The following PDZD2 variants were observed in gnomAD, a reference collection of about 807,000 sequenced individuals.
PDZD2 encodes PDZ domain-containing protein 2.
PDZD2 carries 90 observed loss-of-function variants against 220.7 expected under a neutral mutation model. That is an observed-to-expected ratio of 0.41 (90% CI 0.34 to 0.49). PDZD2 has a LOEUF of 0.49. Among genes scored for constraint, PDZD2 ranks in the 20% least tolerant of loss-of-function variants. The probability of loss-of-function intolerance (pLI) is 0.28; values close to 1 mark genes in which losing one functional copy is unlikely to be tolerated. For synonymous variants in PDZD2, 1,375 were observed against 1,450.5 expected, an observed-to-expected ratio of 0.95 and a Z score of 1.18; for missense variants, 3,174 against 3,608.5, an observed-to-expected ratio of 0.88 and a Z score of 3.08.
intron 1 of PDZD2, among the ~76,000 whole-genome samples, chr5:31,642,450 AG>A (rs1744984106): frequency 6.6e-6 from 1 of 152,200 alleles, no homozygotes; most frequent in African/African-American, 2.4e-5. Context: ...AGTGTCTGCA[AG>A]GGGTGTTCAT....
chr5:31,886,766 C>T (rs1434721978), intron 2 of PDZD2, among the ~76,000 whole-genome samples: 3 of 151,448 alleles, frequency 2.0e-5, no homozygotes, highest in African/African-American at 7.3e-5. Context: ...GGTGCGATCT[C>T]GGCTCACTGC....
intron 2 of PDZD2, among the ~76,000 whole-genome samples, chr5:31,864,067 G>T (rs896055464): frequency 6.6e-6 from 1 of 152,080 alleles, no homozygotes; most frequent in African/African-American, 2.4e-5. Context: ...TTCTGTTTCT[G>T]GTTGGGTTCA....
chr5:32,074,899 C>T (rs977632853), intron 18 of PDZD2, among the ~76,000 whole-genome samples: 6 of 152,032 alleles, frequency 3.9e-5, no homozygotes, highest in African/African-American at 1.2e-4. Context: ...CAACCTCCGC[C>T]TCCCAGGTTC....
chr5:31,743,327 A>G (rs78344095), intron 1 of PDZD2, among the ~76,000 whole-genome samples: 1,997 of 152,102 alleles, frequency 0.013, 43 homozygotes, highest in African/African-American at 0.045. Context: ...GGCATGCGCC[A>G]CCATGCCCGG....
rs1256835345 is a variant in PDZD2, at chr5:32,103,113, G to GA, written c.8353+1880dup. 1.1e-4 allele frequency among the ~76,000 whole-genome samples: 16 copies of GA among 152,032 alleles called. No homozygotes were observed. The East Asian group carries it at 2.1e-3, about 20-fold the overall frequency. On this transcript the variant is annotated intron_variant, in intron 24 of 24. Coordinates refer to ENST00000438447, the MANE Select transcript of PDZD2 (RefSeq NM_178140.4). ...AAAGGTAATGAAAGAGTTCCAGAAG[G>GA]AAAAAACAGAATGAGAGGAAATATT... is the stretch of plus-strand genomic sequence containing the variant.
chr5:31,796,739 A>G lies in PDZD2; in HGVS notation c.-360-2150A>G, dbSNP rs531633205. 3.9e-5 allele frequency among the ~76,000 whole-genome samples: 6 copies of G among 152,304 alleles called. No homozygotes were observed. In the South Asian group the frequency reaches 1.0e-3, roughly 26 times the overall value. On this transcript the variant is annotated intron_variant, in intron 1 of 24. Transcript: ENST00000438447. ...GCAAGGAATTTGCCTTATTGCTGGTATACAACCAGTGCCAAGTTCAAGGAC... is the reference window on the plus strand; with the variant it reads ...GCAAGGAATTTGCCTTATTGCTGGTGTACAACCAGTGCCAAGTTCAAGGAC...
Position 31,821,774 on chromosome 5 carries a change from G to A in PDZD2, c.476+22050G>A, listed in dbSNP as rs555553099. Among the ~76,000 whole-genome samples the A allele has an allele frequency of 7.9e-5, 12 of 152,044 alleles. No individual in the cohort carries two copies. The South Asian group carries it at 2.3e-3, about 29-fold the overall frequency. ...TACATGTGTCATTGTGGTTTGCTGC[G>A]CCCATCAAGCCGTCATCTAGGTTTT... On this transcript the variant is annotated intron_variant, in intron 2 of 24. Coordinates refer to ENST00000438447, the MANE Select transcript of PDZD2 (RefSeq NM_178140.4).
intron 2 of PDZD2, among the ~76,000 whole-genome samples, chr5:31,815,106 G>C (rs1303844281): frequency 1.3e-5 from 2 of 151,870 alleles, no homozygotes; most frequent in Admixed American, 6.6e-5. Flanking sequence ...TGAACTGGAT[G>C]TGGTGGCAGG....
In PDZD2 at chr5:31,850,243, T is replaced by TACAC. The variant is rs1554082942; in HGVS notation, c.476+50535_476+50538dup. Among the ~76,000 whole-genome samples the TACAC allele has an allele frequency of 1.5e-3, 183 of 122,202 alleles. 1 individual carries two copies. The highest frequency in any genetic ancestry group is 7.7e-3 in the East Asian group (35 of 4,558). 80.2% of individuals were successfully genotyped at this position (122,202 alleles called of 152,430 possible). ...ATATATAAGTATATATATATATATA[T>TACAC]ACACACACACACACACACATATATA... is the stretch of plus-strand genomic sequence containing the variant. On this transcript the variant is annotated intron_variant, in intron 2 of 24. Coordinates refer to ENST00000438447, the MANE Select transcript of PDZD2 (RefSeq NM_178140.4).
intron 1 of PDZD2, among the ~76,000 whole-genome samples, chr5:31,757,821 G>A (rs945636822): frequency 1.1e-4 from 16 of 152,176 alleles, no homozygotes; most frequent in South Asian, 2.1e-4. Context: ...CACCTGTGAG[G>A]TCAACACCAA....
At chr5:31,849,927 T>C (rs1159535886) in intron 2 of PDZD2, among the ~76,000 whole-genome samples, 4 of 23,796 alleles carry the variant, frequency 1.7e-4, no homozygotes, top group Admixed American at 5.0e-4. Context: ...TACATATATA[T>C]ATATACACAT....
intron 2 of PDZD2, among the ~76,000 whole-genome samples, chr5:31,884,547 G>C (rs990819628): frequency 1.3e-5 from 2 of 152,120 alleles, no homozygotes; most frequent in African/African-American, 4.8e-5. Flanking sequence ...CTGCACTCCA[G>C]AAAGGATTCT....
chr5:31,822,710 C>G, intron 2 of PDZD2: 4 of 1,281,454 alleles, frequency 3.1e-6, no homozygotes, highest in Non-Finnish European at 3.3e-6. Context: ...AGGATTAATT[C>G]ATCTTTCTGA....
At chr5:31,788,440 C>G (rs561635075) in intron 1 of PDZD2, among the ~76,000 whole-genome samples, 1 of 151,924 alleles carries the variant, frequency 6.6e-6, no homozygotes, top group African/African-American at 2.4e-5. Flanking sequence ...CCAAGGCGGG[C>G]GGATCACGAG....
chr5:32,080,116 A>G (rs1321673436), intron 19 of PDZD2, among the ~76,000 whole-genome samples: 1 of 152,200 alleles, frequency 6.6e-6, no homozygotes, highest in African/African-American at 2.4e-5. Context: ...TGGGAGGCCA[A>G]GACGGACGGA....
intron 2 of PDZD2, among the ~76,000 whole-genome samples, chr5:31,912,528 G>C (rs1743298626): frequency 6.6e-6 from 1 of 152,184 alleles, no homozygotes. Context: ...TCATTCTCTA[G>C]TGCTTTGGTG....
intron 2 of PDZD2, among the ~76,000 whole-genome samples, chr5:31,971,153 T>G (rs1561225482): frequency 2.0e-5 from 3 of 152,176 alleles, no homozygotes; most frequent in Non-Finnish European, 4.4e-5. Context: ...TACCACAGAT[T>G]GGGTGATTCA....
At chr5:31,793,347 C>T (rs1330390251) in intron 1 of PDZD2, among the ~76,000 whole-genome samples, 5 of 152,146 alleles carry the variant, frequency 3.3e-5, no homozygotes, top group Non-Finnish European at 7.4e-5. Context: ...TACATCTTTC[C>T]TCTTTCATCC....
At chr5:32,100,409 A>C (rs554805586) in intron 23 of PDZD2, 1 of 198,734 alleles carries the variant, frequency 5.0e-6, no homozygotes. Flanking sequence ...GCAAGTTTAC[A>C]ATCCTGATTC....
Sources: gnomAD v4.1 joint callset for allele counts (sites outside exome capture counted in the v4.1 genomes callset) on GRCh38, gnomAD v4.1.1 for gene constraint, MANE v1.5 for transcripts, NCBI Gene and HGNC (gene_info 2026-07-23, HGNC 2026-07-21) for gene names.